Variants in CEP63 observed in about 807,000 individuals in gnomAD.
CEP63 encodes the protein centrosomal protein 63, also known as centrosomal protein of 63 kDa.
In CEP63, 84 loss-of-function variants were observed where a neutral mutation model predicts 89.1. The ratio of observed to expected loss-of-function variants is 0.94; its 90% CI spans 0.79 to 1.13. CEP63 has a LOEUF of 1.13. CEP63 is among the 50% of genes most tolerant of loss of function. The pLI is 0.00. For synonymous variants in CEP63, 267 were observed against 272.5 expected (o/e 0.98, Z 0.20); for missense variants, 838 against 813.3 (o/e 1.03, Z -0.37).
At chr3:134,518,704 A>G (rs757061133) in intron 3 of CEP63, among the ~76,000 whole-genome samples, 3 of 152,146 alleles carry the variant, frequency 2.0e-5, no homozygotes, top group Non-Finnish European at 4.4e-5. Flanking sequence ...AAAATTATAT[A>G]TATTAGAAAG....
At chr3:134,536,075 A>T (rs1950716474) in intron 5 of CEP63, 1 of 152,038 alleles carries the variant, frequency 6.6e-6, no homozygotes, top group African/African-American at 2.4e-5. Flanking sequence ...GAATATTGTA[A>T]CTTCACCCTC....
the CEP63 span, among the ~76,000 whole-genome samples, chr3:134,692,434 A>T: frequency 5.9e-5 from 9 of 151,788 alleles, no homozygotes; most frequent in Admixed American, 5.9e-4. Flanking sequence ...CCTACAAAGG[A>T]TATGAACTCA....
chr3:134,519,110 G>A (rs1325045821), intron 3 of CEP63, among the ~76,000 whole-genome samples: 1 of 151,686 alleles, frequency 6.6e-6, no homozygotes, highest in Non-Finnish European at 1.5e-5. Flanking sequence ...CATGTGAATA[G>A]TATCCTATTA....
chr3:134,747,808 C>T, the CEP63 span, among the ~76,000 whole-genome samples: 66 of 152,222 alleles, frequency 4.3e-4, no homozygotes, highest in African/African-American at 1.4e-3. Context: ...TTTTTTGAGA[C>T]GGAGTCTCAC....
chr3:134,530,778 A>G (rs1332831670), intron 3 of CEP63, among the ~76,000 whole-genome samples: 2 of 152,198 alleles, frequency 1.3e-5, no homozygotes, highest in African/African-American at 4.8e-5. Context: ...TCTTACAAAA[A>G]TAAATTCCAC....
At chr3:134,648,952 A>T in the CEP63 span, among the ~76,000 whole-genome samples, 1 of 152,152 alleles carries the variant, frequency 6.6e-6, no homozygotes, top group Non-Finnish European at 1.5e-5. Flanking sequence ...TCTTGCACCC[A>T]TGGGAGGCTT....
intron 11 of CEP63, among the ~76,000 whole-genome samples, chr3:134,574,484 A>G (rs1958143613): frequency 6.6e-6 from 1 of 152,214 alleles, no homozygotes; most frequent in African/African-American, 2.4e-5. Context: ...GCTGCCTCTC[A>G]TGCCAAGCTA....
chr3:134,732,917 A>G, the CEP63 span, among the ~76,000 whole-genome samples: 1 of 152,210 alleles, frequency 6.6e-6, no homozygotes, highest in African/African-American at 2.4e-5. Flanking sequence ...AGTCAGAGAG[A>G]AAATAAAATA....
At position 134,489,618 on chromosome 3, in the gene CEP63, G is replaced by A. The variant is rs1936942122; in HGVS notation, c.-26+3416G>A. On this transcript the variant is annotated intron_variant, in intron 1 of 14. Coordinates refer to ENST00000675561, the MANE Select transcript of CEP63 (RefSeq NM_001353108.3). ...CCGTTATTGCATTAGAGGTTGCAAC[G>A]TGGTGATTATCTAATTCTATTATTT... is the stretch of plus-strand genomic sequence containing the variant. Among the ~76,000 whole-genome samples, 4 of 152,182 alleles carry A rather than the reference G, an allele frequency of 2.6e-5. No homozygotes were observed. In the South Asian group the frequency reaches 6.2e-4, roughly 24 times the overall value.
Position 134,495,293 on chromosome 3 carries a change from C to A in CEP63, c.-25-3C>A. 1 of 1,606,814 alleles carries A rather than the reference C, an allele frequency of 6.2e-7. No homozygotes were observed. Among genetic ancestry groups the A allele is most frequent in the Non-Finnish European group, 8.5e-7 (1 of 1,173,794 alleles). ...TCATGACTGATATTTTTTTCTTTGT[C>A]AGTTGCCAAAACAAAGGGGATTTGG... On this transcript the variant is annotated splice_polypyrimidine_tract_variant and splice_region_variant and intron_variant, in intron 1 of 14. Transcript: ENST00000675561.
At chr3:134,689,757 T>C in the CEP63 span, among the ~76,000 whole-genome samples, 1 of 152,140 alleles carries the variant, frequency 6.6e-6, no homozygotes, top group African/African-American at 2.4e-5. Context: ...CCAAGCCCCA[T>C]ATTATTTTTT....
intron 5 of CEP63, among the ~76,000 whole-genome samples, chr3:134,533,819 G>A (rs1053009242): frequency 2.0e-5 from 3 of 152,272 alleles, no homozygotes; most frequent in Non-Finnish European, 2.9e-5. Context: ...TGGGTGACCT[G>A]TCACCCACAA....
chr3:134,678,018 G>C, the CEP63 span, among the ~76,000 whole-genome samples: 2 of 151,918 alleles, frequency 1.3e-5, no homozygotes, highest in Non-Finnish European at 2.9e-5. Flanking sequence ...ACAAATCTCA[G>C]TATGCCACTC....
chr3:134,572,344 TG>T (rs1958045790), intron 11 of CEP63, among the ~76,000 whole-genome samples: 1 of 152,240 alleles, frequency 6.6e-6, no homozygotes, highest in Non-Finnish European at 1.5e-5. Flanking sequence ...GGGATATGAA[TG>T]ATCCCAATAC....
At chr3:134,752,056 G>C in the CEP63 span, among the ~76,000 whole-genome samples, 1 of 152,158 alleles carries the variant, frequency 6.6e-6, no homozygotes, top group African/African-American at 2.4e-5. Context: ...AGCATGTGTT[G>C]AGGGTGGATG....
At chr3:134,683,669 T>C in the CEP63 span, among the ~76,000 whole-genome samples, 1 of 152,024 alleles carries the variant, frequency 6.6e-6, no homozygotes, top group Admixed American at 6.5e-5. Context: ...TTGAATGATG[T>C]AATCAGGACT....
the CEP63 span, among the ~76,000 whole-genome samples, chr3:134,715,233 G>T: frequency 6.6e-6 from 1 of 152,186 alleles, no homozygotes; most frequent in African/African-American, 2.4e-5. Context: ...TGTTTTATGA[G>T]CCCATGTGGA....
chr3:134,696,682 G>A, the CEP63 span, among the ~76,000 whole-genome samples: 138 of 152,022 alleles, frequency 9.1e-4, 1 homozygote, highest in South Asian at 5.6e-3. Context: ...CCATGCCCAC[G>A]TGTGTGTGTG....
chr3:134,527,091 C>T (rs1332555977), intron 3 of CEP63, among the ~76,000 whole-genome samples: 1 of 152,176 alleles, frequency 6.6e-6, no homozygotes, highest in Non-Finnish European at 1.5e-5. Flanking sequence ...TTTACATGTG[C>T]CAGCAGCAGT....
Sources: allele counts gnomAD v4.1 joint callset (sites outside exome capture counted in the v4.1 genomes callset), GRCh38; gene constraint gnomAD v4.1.1; transcripts MANE v1.5; gene names NCBI Gene and HGNC (gene_info 2026-07-23, HGNC 2026-07-21).